The following HDAC9 variants were observed in gnomAD, a reference collection of about 807,000 sequenced individuals.
HDAC9 encodes the protein MEF-2 interacting transcription repressor (MITR) protein.
In HDAC9, 41 loss-of-function variants were observed where a neutral mutation model predicts 139.4. The ratio of observed to expected loss-of-function variants is 0.29; its 90% CI spans 0.23 to 0.38. The LOEUF (loss-of-function observed/expected upper bound fraction) is 0.38, where lower values mean the gene tolerates loss of function less well. HDAC9 is among the 10% of genes least tolerant of loss of function. The pLI, the probability that HDAC9 is intolerant of heterozygous loss-of-function variation, is 1.00. For synonymous variants in HDAC9, 517 were observed against 476.2 expected (o/e 1.09, Z -1.12); for missense variants, 1,147 against 1,297.0 (o/e 0.88, Z 1.78).
At chr7:18,799,022 A>G (rs1793053076) in intron 17 of HDAC9, among the ~76,000 whole-genome samples, 1 of 150,194 alleles carries the variant, frequency 6.7e-6, no homozygotes. Context: ...CTGGCTAAAT[A>G]TTTAAAATGT....
chr7:18,439,421 T>A (rs958912774), intron 1 of HDAC9, among the ~76,000 whole-genome samples: 2 of 152,216 alleles, frequency 1.3e-5, no homozygotes, highest in Non-Finnish European at 2.9e-5. Context: ...TGTCTGGCTA[T>A]CAGTCTTGTT....
At chr7:18,497,245 C>T (rs1434796248) in intron 2 of HDAC9, among the ~76,000 whole-genome samples, 1 of 152,112 alleles carries the variant, frequency 6.6e-6, no homozygotes, top group African/African-American at 2.4e-5. Context: ...TTAAAGTTCT[C>T]ACTTAGATCC....
At chr7:18,969,081 C>T (rs770331631) in intron 24 of HDAC9, among the ~76,000 whole-genome samples, 6 of 151,390 alleles carry the variant, frequency 4.0e-5, no homozygotes, top group Admixed American at 6.6e-5. Context: ...CACACGTGCG[C>T]GCGTGCACAG....
rs1043251121 is a variant in HDAC9, at chr7:18,284,588, C to T, written c.25+122239C>T. The stretch of plus-strand genomic sequence containing the variant: ...TAGTCTTTGGTTTTGTGGTCAGGAT[C>T]GACTATAATGAATTCTGGTTCTTGA... On this transcript the variant is annotated intron_variant, in intron 2 of 12. Coordinates refer to the HDAC9 transcript ENST00000417496. Among the ~76,000 whole-genome samples, 7 of 152,144 alleles carry T rather than the reference C, an allele frequency of 4.6e-5. 1 individual carries two copies. The South Asian group carries it at 1.2e-3, about 27-fold the overall frequency.
At chr7:18,284,190 A>C (rs1797286429) in intron 2 of HDAC9, among the ~76,000 whole-genome samples, 1 of 152,104 alleles carries the variant, frequency 6.6e-6, no homozygotes, top group Non-Finnish European at 1.5e-5. Flanking sequence ...GTATTACTTG[A>C]TTTTATGATC....
rs187450737 is a variant in HDAC9, at chr7:18,729,768, A to G, written c.1909+2011A>G. On this transcript the variant is annotated intron_variant, in intron 13 of 25. Coordinates refer to ENST00000686413, the MANE Select transcript of HDAC9 (RefSeq NM_178425.4). The stretch of plus-strand genomic sequence containing the variant: ...GGAAAGTGAACTTAAGATTCTTTTT[A>G]TATATAATGGATTTGATAAGGCAAT... Among the ~76,000 whole-genome samples the G allele has an allele frequency of 7.3e-3, 1,109 of 152,282 alleles. 14 individuals carry two copies. Among genetic ancestry groups the G allele is most frequent in the Non-Finnish European group, 6.1e-3 (415 of 68,020 alleles).
At chr7:18,752,593 G>GT (rs1788546085) in intron 14 of HDAC9, among the ~76,000 whole-genome samples, 1 of 152,116 alleles carries the variant, frequency 6.6e-6, no homozygotes, top group African/African-American at 2.4e-5. Context: ...AAGGATTTGA[G>GT]TACCAGGCGG....
At chr7:18,896,094 A>G (rs955932620) in intron 22 of HDAC9, among the ~76,000 whole-genome samples, 3 of 152,064 alleles carry the variant, frequency 2.0e-5, no homozygotes, top group Non-Finnish European at 4.4e-5. Context: ...ATTAAATTCC[A>G]AGTGTTATTT....
chr7:18,123,636 A>T (rs987969974), intron 1 of HDAC9, among the ~76,000 whole-genome samples: 1 of 152,168 alleles, frequency 6.6e-6, no homozygotes, highest in South Asian at 2.1e-4. Flanking sequence ...GGCAATGAGG[A>T]TCAGCATTTT....
intron 1 of HDAC9, among the ~76,000 whole-genome samples, chr7:18,382,290 A>G (rs1182622998): frequency 6.6e-6 from 1 of 152,238 alleles, no homozygotes; most frequent in Non-Finnish European, 1.5e-5. Context: ...TATGTAATAG[A>G]AAACTACTAC....
At chr7:18,573,215 A>G (rs1438198643) in intron 2 of HDAC9, among the ~76,000 whole-genome samples, 1 of 152,238 alleles carries the variant, frequency 6.6e-6, no homozygotes, top group Non-Finnish European at 1.5e-5. Flanking sequence ...GAACAGAATC[A>G]CTGTGAGGGA....
intron 2 of HDAC9, among the ~76,000 whole-genome samples, chr7:18,168,897 TTGTGTG>T (rs1201294435): frequency 2.7e-4 from 25 of 94,336 alleles, no homozygotes; most frequent in Non-Finnish European, 3.7e-4. Context: ...TTTTTTTTTT[TTGTGTG>T]TGTGTGTGTG....
At chr7:18,487,349 G>T (rs560374695) in intron 1 of HDAC9, among the ~76,000 whole-genome samples, 1 of 152,124 alleles carries the variant, frequency 6.6e-6, no homozygotes, top group East Asian at 1.9e-4. Context: ...ATCATGTTCA[G>T]AGACATGGAA....
chr7:18,687,631 A>G (rs550015764), intron 12 of HDAC9, among the ~76,000 whole-genome samples: 2 of 151,868 alleles, frequency 1.3e-5, no homozygotes, highest in Non-Finnish European at 2.9e-5. Context: ...TATGGAATAA[A>G]TTATTTCAAC....
intron 23 of HDAC9, among the ~76,000 whole-genome samples, chr7:18,950,490 G>A (rs1157144077): frequency 6.6e-6 from 1 of 152,064 alleles, no homozygotes; most frequent in African/African-American, 2.4e-5. Flanking sequence ...GCTATGGTGA[G>A]CAGAATAAAG....
chr7:18,562,433 T>G (rs994659592), intron 2 of HDAC9, among the ~76,000 whole-genome samples: 1 of 152,194 alleles, frequency 6.6e-6, no homozygotes, highest in Admixed American at 6.5e-5. Flanking sequence ...GTTTTAACTC[T>G]TAACATTTTA....
At chr7:18,340,414 T>A (rs905927936) in intron 1 of HDAC9, among the ~76,000 whole-genome samples, 7 of 151,652 alleles carry the variant, frequency 4.6e-5, no homozygotes, top group African/African-American at 1.7e-4. Context: ...ACTCATTTCC[T>A]ACTTGTTCTG....
chr7:18,412,581 C>G (rs1788671753), intron 1 of HDAC9, among the ~76,000 whole-genome samples: 1 of 152,152 alleles, frequency 6.6e-6, no homozygotes, highest in African/African-American at 2.4e-5. Context: ...GAGGATCCGG[C>G]AGTTCAGATG....
At chr7:18,505,151 C>T (rs1799416792) in intron 2 of HDAC9, among the ~76,000 whole-genome samples, 1 of 152,162 alleles carries the variant, frequency 6.6e-6, no homozygotes, top group Admixed American at 6.5e-5. Flanking sequence ...TTCCTTGGAG[C>T]AGATGCTCTG....
Sources: gnomAD v4.1 joint callset for allele counts (sites outside exome capture counted in the v4.1 genomes callset) on GRCh38, gnomAD v4.1.1 for gene constraint, MANE v1.5 for transcripts, NCBI Gene and HGNC (gene_info 2026-07-23, HGNC 2026-07-21) for gene names.